The following DRC8 variants were observed in gnomAD, a reference collection of about 807,000 sequenced individuals.
DRC8 encodes dynein regulatory complex subunit 8, also known as dynein regulatory complex protein 8.
chr1:245,109,187 C>T, the DRC8 span, among the ~76,000 whole-genome samples: 2 of 152,128 alleles, frequency 1.3e-5, no homozygotes, highest in Non-Finnish European at 2.9e-5. Context: ...ATTTATACTC[C>T]GACTCTCATC....
the DRC8 span, among the ~76,000 whole-genome samples, chr1:244,985,080 T>G: frequency 2.6e-5 from 1 of 38,236 alleles, no homozygotes; most frequent in Non-Finnish European, 1.0e-4. Context: ...TCCAGGGTTT[T>G]TTTTTTTTTT....
the DRC8 span, among the ~76,000 whole-genome samples, chr1:245,047,614 G>A: frequency 7.2e-5 from 10 of 138,730 alleles, no homozygotes; most frequent in East Asian, 2.2e-4. Flanking sequence ...CAGCCTGGTC[G>A]AGAGAGCTAG....
the DRC8 span, among the ~76,000 whole-genome samples, chr1:245,070,617 A>G: frequency 6.6e-6 from 1 of 152,232 alleles, no homozygotes; most frequent in Non-Finnish European, 1.5e-5. Context: ...GGAATAATTT[A>G]TAGTCATCCT....
the DRC8 span, chr1:244,970,233 C>T: frequency 2.6e-6 from 2 of 756,642 alleles, no homozygotes; most frequent in Non-Finnish European, 4.5e-6. Context: ...GGTCGTGGCG[C>T]GAAACGGGGA....
chr1:245,017,500 G>C, the DRC8 span, among the ~76,000 whole-genome samples: 1 of 152,154 alleles, frequency 6.6e-6, no homozygotes, highest in South Asian at 2.1e-4. Context: ...GATAAGTACT[G>C]TTTCTTATTC....
chr1:245,109,579 G>C, the DRC8 span, among the ~76,000 whole-genome samples: 1 of 152,178 alleles, frequency 6.6e-6, no homozygotes, highest in East Asian at 1.9e-4. Context: ...AATACTGGCC[G>C]CACGTACTGG....
chr1:245,099,339 G>T, the DRC8 span, among the ~76,000 whole-genome samples: 1 of 152,162 alleles, frequency 6.6e-6, no homozygotes, highest in South Asian at 2.1e-4. Context: ...ATGACGTTTG[G>T]CAAAAGCCCA....
chr1:245,019,064 CT>C, the DRC8 span, among the ~76,000 whole-genome samples: 754 of 152,224 alleles, frequency 5.0e-3, 5 homozygotes, highest in Non-Finnish European at 7.8e-3. Context: ...GATGCCAGGC[CT>C]TTTTTGGTAA....
chr1:245,015,725 A>G, the DRC8 span: 2 of 237,498 alleles, frequency 8.4e-6, no homozygotes, highest in South Asian at 3.7e-5. Context: ...AAAAAAAAAA[A>G]GAAAGAAAGA....
the DRC8 span, chr1:244,970,221 AG>A: frequency 1.3e-6 from 1 of 762,122 alleles, no homozygotes; most frequent in Non-Finnish European, 2.3e-6. Context: ...CCCCAGCGCG[AG>A]GGTCGTGGCG....
chr1:245,036,311 A>C, the DRC8 span, among the ~76,000 whole-genome samples: 10 of 152,352 alleles, frequency 6.6e-5, no homozygotes, highest in African/African-American at 2.4e-4. Flanking sequence ...GGGAAATGCA[A>C]ATCAAAACCA....
the DRC8 span, among the ~76,000 whole-genome samples, chr1:245,071,894 A>G: frequency 6.6e-6 from 1 of 152,238 alleles, no homozygotes; most frequent in African/African-American, 2.4e-5. Context: ...GTATGTCGTG[A>G]AAGACTGATG....
At chr1:245,028,040 C>T in the DRC8 span, among the ~76,000 whole-genome samples, 3 of 152,082 alleles carry the variant, frequency 2.0e-5, no homozygotes, top group African/African-American at 7.2e-5. Context: ...CACAGGTACA[C>T]GCTACCACAC....
the DRC8 span, among the ~76,000 whole-genome samples, chr1:244,998,000 G>A: frequency 1.3e-5 from 2 of 152,126 alleles, no homozygotes; most frequent in Admixed American, 1.3e-4. Flanking sequence ...GGCTTCAGTA[G>A]CCAGGTGGAC....
chr1:244,973,695 T>C, the DRC8 span, among the ~76,000 whole-genome samples: 5 of 152,354 alleles, frequency 3.3e-5, no homozygotes, highest in East Asian at 3.9e-4. Context: ...AAAAACCTCA[T>C]TGTAGAAATA....
the DRC8 span, among the ~76,000 whole-genome samples, chr1:245,033,108 C>T: frequency 6.6e-6 from 1 of 152,214 alleles, no homozygotes; most frequent in Non-Finnish European, 1.5e-5. Flanking sequence ...CCTCACAGCA[C>T]GGCTAGTCCG....
the DRC8 span, among the ~76,000 whole-genome samples, chr1:245,044,609 G>A: frequency 0.021 from 3,121 of 151,736 alleles, 88 homozygotes; most frequent in African/African-American, 0.07. Flanking sequence ...ACGGAGTCTC[G>A]TTCTGTTGCC....
the DRC8 span, chr1:245,123,904 C>CATATATAT: frequency 6.7e-6 from 1 of 149,300 alleles, no homozygotes; most frequent in African/African-American, 2.5e-5. The surrounding 1 kb of genome is among the most constrained non-coding windows in gnomAD (Gnocchi z 5.0). Flanking sequence ...TTCTGTCTGT[C>CATATATAT]ATATATATAT....
chr1:245,086,777 T>C, the DRC8 span: 1 of 533,380 alleles, frequency 1.9e-6, no homozygotes, highest in East Asian at 5.4e-5. Context: ...TAAGCTAAGG[T>C]GGGGAGCTGT....
Sources: allele counts gnomAD v4.1 joint callset (sites outside exome capture counted in the v4.1 genomes callset), GRCh38; gene constraint gnomAD v4.1.1; non-coding constraint Gnocchi (gnomAD v3.1); transcripts MANE v1.5; gene names NCBI Gene and HGNC (gene_info 2026-07-23, HGNC 2026-07-21).